SLC30A8: variants seen among roughly 807,000 people sequenced by gnomAD.
SLC30A8 encodes the protein solute carrier family 30 member 8, also known as proton-coupled zinc antiporter SLC30A8.
In SLC30A8, 27 loss-of-function variants were observed where a neutral mutation model predicts 36.9. That is an observed-to-expected ratio of 0.73 (90% confidence interval 0.54 to 1.01). SLC30A8 has a LOEUF of 1.01. Ranked by LOEUF, SLC30A8 falls within the 50% of genes least tolerant of loss-of-function variation. SLC30A8 has a pLI of 0.00. For synonymous variants in SLC30A8, 164 were observed against 172.4 expected (o/e 0.95, Z 0.38); for missense variants, 439 against 452.0 (o/e 0.97, Z 0.26).
chr8:117,176,569 AAAAT>A lies in SLC30A8; in HGVS notation c.*3892_*3895del, dbSNP rs1484124720. ...AGTCCAGCGCAGGCGGATGTTAAAA[AAAAT>A]AAAAAGGTGACCATCTGCGGTTTAG... On this transcript the variant is annotated 3_prime_UTR_variant, in exon 8 of 8. Coordinates refer to ENST00000456015, the MANE Select transcript of SLC30A8 (RefSeq NM_173851.3). The A allele has an allele frequency of 6.6e-6, 1 of 152,544 alleles. No individual in the cohort carries two copies. The highest frequency in any genetic ancestry group is 1.9e-4 in the East Asian group (1 of 5,178). The allele number at this position is 152,544 out of a possible 1,614,324, so 9.4% of individuals were successfully genotyped here. A position where few individuals can be genotyped will look rare whatever the true frequency, so the allele number is the denominator to read the frequency against.
intron 2 of SLC30A8, among the ~76,000 whole-genome samples, chr8:117,047,461 G>A (rs1051841550): frequency 1.3e-5 from 2 of 152,124 alleles, no homozygotes; most frequent in Non-Finnish European, 2.9e-5. Flanking sequence ...GTCTGACCTG[G>A]TCCAGGAGGT....
chr8:117,115,759 C>T (rs888661251), intron 2 of SLC30A8, among the ~76,000 whole-genome samples: 1 of 151,946 alleles, frequency 6.6e-6, no homozygotes, highest in Non-Finnish European at 1.5e-5. Flanking sequence ...TAGGGAAGGG[C>T]TCATTGAGGC....
chr8:117,062,859 C>T (rs987268001), intron 2 of SLC30A8, among the ~76,000 whole-genome samples: 5 of 152,340 alleles, frequency 3.3e-5, no homozygotes, highest in South Asian at 2.1e-4. Context: ...CCATAGTTTT[C>T]GTCCACAGTG....
intron 2 of SLC30A8, among the ~76,000 whole-genome samples, chr8:117,111,902 A>G (rs929722515): frequency 6.7e-6 from 1 of 148,600 alleles, no homozygotes; most frequent in African/African-American, 2.6e-5. Context: ...GATTCTCAAA[A>G]TGTCCTCCTT....
chr8:117,047,424 AAAT>A (rs1240793482), intron 2 of SLC30A8, among the ~76,000 whole-genome samples: 3 of 152,134 alleles, frequency 2.0e-5, no homozygotes, highest in African/African-American at 7.2e-5. Context: ...AATGGAATAT[AAAT>A]AATATTTGCA....
intron 1 of SLC30A8, among the ~76,000 whole-genome samples, chr8:116,999,837 G>A (rs1815948528): frequency 6.6e-6 from 1 of 152,014 alleles, no homozygotes; most frequent in Admixed American, 6.6e-5. Flanking sequence ...AAACAAAAAA[G>A]CAGACATAAA....
intron 1 of SLC30A8, among the ~76,000 whole-genome samples, chr8:116,994,923 T>G (rs963036257): frequency 6.6e-5 from 10 of 152,154 alleles, no homozygotes; most frequent in African/African-American, 2.4e-4. Context: ...GGAAGAAGAC[T>G]GCAAAAATGT....
intron 1 of SLC30A8, among the ~76,000 whole-genome samples, chr8:117,015,257 T>C (rs1308823764): frequency 6.6e-6 from 1 of 152,158 alleles, no homozygotes; most frequent in Non-Finnish European, 1.5e-5. Flanking sequence ...AAACCATGTA[T>C]CATTATTCCA....
chr8:117,003,588 T>C (rs1816083742), intron 1 of SLC30A8, among the ~76,000 whole-genome samples: 2 of 152,164 alleles, frequency 1.3e-5, no homozygotes, highest in South Asian at 4.1e-4. Context: ...CGTTCTTTTG[T>C]ATAATAGAGA....
At chr8:117,055,008 G>T (rs933950378) in intron 2 of SLC30A8, among the ~76,000 whole-genome samples, 1 of 152,196 alleles carries the variant, frequency 6.6e-6, no homozygotes, top group African/African-American at 2.4e-5. Flanking sequence ...CTCAGTAGCT[G>T]TGAGGCTTCA....
At chr8:117,079,682 C>G (rs1818602407) in intron 2 of SLC30A8, among the ~76,000 whole-genome samples, 1 of 152,120 alleles carries the variant, frequency 6.6e-6, no homozygotes, top group Non-Finnish European at 1.5e-5. Context: ...TATATGTTTC[C>G]AGACTATGAA....
rs1364483694 is a variant in SLC30A8, at chr8:117,157,693, A to C, written c.421A>C (p.Ile141Leu). 1.2e-6 allele frequency: 2 copies of C among 1,613,120 alleles called. No homozygotes were observed. The highest frequency in any genetic ancestry group is 3.3e-5 in the Admixed American group (2 of 59,924). Reference sequence around the variant, plus strand: ...TCTGTGTGTGTTTGAATTCCTAGAGATCCTTGGTGCCCTGCTCTCCATCCT... The same window carrying C: ...TCTGTGTGTGTTTGAATTCCTAGAGCTCCTTGGTGCCCTGCTCTCCATCCT... Reference protein sequence around the residue: ...RLTFGWHRAEILGALLSILCI... With the variant: ...RLTFGWHRAELLGALLSILCI... The change falls in exon 4 of 8, where the codon ATC becomes CTC. Residue 141 changes from isoleucine to leucine, a missense_variant and splice_region_variant. Physicochemically the swap from Ile to Leu is conservative, Grantham distance 5 (BLOSUM62 2). Transcript: ENST00000456015.
chr8:117,171,324 C>T (rs1306236259), intron 7 of SLC30A8, among the ~76,000 whole-genome samples, 156 bp downstream of exon 7: 2 of 152,008 alleles, frequency 1.3e-5, no homozygotes, highest in African/African-American at 4.8e-5. Context: ...AACCAGCCCA[C>T]TTATTGATGT....
chr8:116,980,769 G>A (rs966253828), intron 1 of SLC30A8, among the ~76,000 whole-genome samples: 3 of 152,162 alleles, frequency 2.0e-5, no homozygotes, highest in Non-Finnish European at 4.4e-5. Flanking sequence ...ATCACCTTTA[G>A]GTGATTATCC....
At chr8:117,057,710 A>G (rs1817914365) in intron 2 of SLC30A8, among the ~76,000 whole-genome samples, 1 of 152,288 alleles carries the variant, frequency 6.6e-6, no homozygotes, top group South Asian at 2.1e-4. Context: ...CTTCATTTTA[A>G]TGGCTGAATG....
At chr8:117,152,908 G>T (rs1411419499) in intron 2 of SLC30A8, 36 bp from the exon 3 acceptor site, 2 of 1,440,052 alleles carry the variant, frequency 1.4e-6, no homozygotes, top group African/African-American at 1.4e-5. Flanking sequence ...CTGCATTCTG[G>T]GACCTTAACA....
chr8:117,139,492 G>A (rs1401086015), intron 1 of SLC30A8, among the ~76,000 whole-genome samples: 1 of 152,102 alleles, frequency 6.6e-6, no homozygotes, highest in Non-Finnish European at 1.5e-5. Flanking sequence ...CTCTGGAGCT[G>A]TGAGAAAATA....
At chr8:117,001,203 G>GC (rs1815999033) in intron 1 of SLC30A8, among the ~76,000 whole-genome samples, 1 of 106,606 alleles carries the variant, frequency 9.4e-6, no homozygotes, top group Non-Finnish European at 2.1e-5. Context: ...TTTGCTAGGG[G>GC]CTTTTTTTTT....
chr8:117,098,806 T>A (rs982663416), intron 2 of SLC30A8, among the ~76,000 whole-genome samples: 2 of 152,006 alleles, frequency 1.3e-5, no homozygotes, highest in African/African-American at 4.8e-5. Flanking sequence ...AAGATAGAGA[T>A]GAATTGGAGG....
Sources: gnomAD v4.1 joint callset for allele counts (sites outside exome capture counted in the v4.1 genomes callset) on GRCh38, gnomAD v4.1.1 for gene constraint, MANE v1.5 for transcripts, NCBI Gene and HGNC (gene_info 2026-07-23, HGNC 2026-07-21) for gene names.